The following LRRC4C variants were observed in gnomAD, a reference collection of about 807,000 sequenced individuals.
LRRC4C encodes the protein leucine rich repeat containing 4C.
LRRC4C carries 5 observed loss-of-function variants against 33.6 expected under a neutral mutation model. The ratio of observed to expected loss-of-function variants is 0.15; its 90% CI spans 0.08 to 0.31. The LOEUF is 0.31. Among genes scored for constraint, LRRC4C ranks in the 10% least tolerant of loss-of-function variants. The pLI is 1.00. For missense variants in LRRC4C, 560 were observed against 796.7 expected (o/e 0.70, Z 3.58); for synonymous variants, 329 against 302.0 (o/e 1.09, Z -0.93).
At chr11:40,787,664 T>C (rs1438003529) in intron 2 of LRRC4C, among the ~76,000 whole-genome samples, 1 of 152,346 alleles carries the variant, frequency 6.6e-6, no homozygotes, top group South Asian at 2.1e-4. Flanking sequence ...TCAGCCATCT[T>C]GATTTAGAAG....
intron 2 of LRRC4C, among the ~76,000 whole-genome samples, chr11:40,673,240 A>T (rs1222202280): frequency 2.0e-5 from 3 of 152,158 alleles, no homozygotes; most frequent in African/African-American, 7.2e-5. Flanking sequence ...GAGAAAAAGT[A>T]AAAATATTAG....
rs112196176 is a variant in LRRC4C at position 40,147,418 on chromosome 11, C to CA, written c.-95-6566dup. ...ATAACTATCCAATCTCCCAGAGCCT[C>CA]AAAACTAAGAACCTGGCTTGCTGCT... On this transcript the variant is annotated intron_variant, in intron 5 of 6. Transcript: ENST00000528697. Among the ~76,000 whole-genome samples the CA allele has an allele frequency of 3.7e-3, 561 of 152,272 alleles. 6 individuals carry two copies. Among genetic ancestry groups the CA allele is most frequent in the African/African-American group, 0.012 (517 of 41,558 alleles).
chr11:41,135,710 T>G (rs960221305), intron 1 of LRRC4C, among the ~76,000 whole-genome samples: 1 of 152,164 alleles, frequency 6.6e-6, no homozygotes, highest in African/African-American at 2.4e-5. Flanking sequence ...TCAATAAAAG[T>G]GACAACACTT....
intron 3 of LRRC4C, among the ~76,000 whole-genome samples, chr11:40,323,905 A>C (rs1312657273): frequency 6.6e-6 from 1 of 152,246 alleles, no homozygotes; most frequent in East Asian, 1.9e-4. Context: ...AAGGACAACT[A>C]TCTGAAGAAA....
chr11:41,350,118 GGT>G (rs1320068312), intron 1 of LRRC4C, among the ~76,000 whole-genome samples: 1 of 152,088 alleles, frequency 6.6e-6, no homozygotes, highest in Non-Finnish European at 1.5e-5. Flanking sequence ...ATGACATCTT[GGT>G]ATTATTATGA....
At chr11:41,226,776 A>ACACACACACACACC (rs1224365308) in intron 1 of LRRC4C, among the ~76,000 whole-genome samples, 4 of 149,424 alleles carry the variant, frequency 2.7e-5, no homozygotes, top group East Asian at 2.0e-4. Flanking sequence ...ACACACACAC[A>ACACACACACACACC]CCCTTCTCTC....
chr11:40,370,913 A>G (rs574517957), intron 3 of LRRC4C, among the ~76,000 whole-genome samples: 1 of 152,294 alleles, frequency 6.6e-6, no homozygotes, highest in East Asian at 1.9e-4. Flanking sequence ...CACCTCTTTA[A>G]ATGGATCTTT....
At chr11:40,412,967 T>C (rs1378022174) in intron 3 of LRRC4C, among the ~76,000 whole-genome samples, 1 of 152,144 alleles carries the variant, frequency 6.6e-6, no homozygotes, top group Non-Finnish European at 1.5e-5. Context: ...AAACATGGTA[T>C]TCAAGGATCT....
At position 40,584,153 on chromosome 11, in the gene LRRC4C, G is replaced by C. The variant is rs535598950; in HGVS notation, c.-270+63989C>G. ...TATTGCAATTTTGGACTTTCCTTAA[G>C]TATACACACACACACGCACACTTCA... On this transcript the variant is annotated intron_variant, in intron 3 of 6. Transcript: ENST00000528697. Among the ~76,000 whole-genome samples, 295 of 97,116 alleles carry C rather than the reference G, an allele frequency of 3.0e-3. 1 individual carries two copies. The highest frequency in any genetic ancestry group is 5.4e-3 in the Non-Finnish European group (259 of 48,044). The allele number at this position is 97,116 out of a possible 152,430, so 63.7% of individuals were successfully genotyped here.
At chr11:40,540,194 T>C (rs1262239773) in intron 3 of LRRC4C, among the ~76,000 whole-genome samples, 1 of 152,214 alleles carries the variant, frequency 6.6e-6, no homozygotes, top group Non-Finnish European at 1.5e-5. Flanking sequence ...AGGACAAGAA[T>C]TGAAAGTCTT....
chr11:40,632,202 AT>A (rs2136025478), intron 3 of LRRC4C, among the ~76,000 whole-genome samples: 1 of 152,344 alleles, frequency 6.6e-6, no homozygotes, highest in South Asian at 2.1e-4. Flanking sequence ...TGAAGGCTGA[AT>A]TCAAAATTAG....
chr11:40,940,915 G>A (rs551192054), intron 1 of LRRC4C, among the ~76,000 whole-genome samples: 4 of 122,456 alleles, frequency 3.3e-5, no homozygotes, highest in South Asian at 2.7e-4. Context: ...CAGAGAATTC[G>A]TTACAAAATC....
chr11:40,914,629 A>G (rs1159895318), intron 2 of LRRC4C, among the ~76,000 whole-genome samples: 8 of 152,324 alleles, frequency 5.3e-5, no homozygotes, highest in Non-Finnish European at 1.0e-4. Flanking sequence ...TCCCTTTGAC[A>G]ACTGGCACAA....
chr11:40,382,448 T>C (rs2137362825), intron 3 of LRRC4C, among the ~76,000 whole-genome samples: 1 of 151,900 alleles, frequency 6.6e-6, no homozygotes, highest in Admixed American at 6.6e-5. Context: ...AAGTGTATAC[T>C]ACCCTTGAAA....
intron 1 of LRRC4C, among the ~76,000 whole-genome samples, chr11:41,277,802 C>T (rs1440163452): frequency 1.3e-5 from 2 of 151,974 alleles, no homozygotes; most frequent in Non-Finnish European, 2.9e-5. Context: ...CCGTGAGTAA[C>T]TTGAATATTC....
At chr11:41,293,237 T>C (rs1321107157) in intron 1 of LRRC4C, among the ~76,000 whole-genome samples, 2 of 152,150 alleles carry the variant, frequency 1.3e-5, no homozygotes. Context: ...GTTTTATTAT[T>C]TGTATTTGTC....
intron 2 of LRRC4C, among the ~76,000 whole-genome samples, chr11:40,791,026 T>G: frequency 6.6e-6 from 1 of 152,198 alleles, no homozygotes; most frequent in East Asian, 1.9e-4. Flanking sequence ...CAATATGAGC[T>G]GCATTTTGTC....
intron 3 of LRRC4C, among the ~76,000 whole-genome samples, chr11:40,444,331 ATTTT>A (rs1335708756): frequency 5.4e-5 from 8 of 148,542 alleles, no homozygotes; most frequent in Non-Finnish European, 7.5e-5. Flanking sequence ...TTTTTAATTT[ATTTT>A]ATTTATTTTA....
intron 3 of LRRC4C, among the ~76,000 whole-genome samples, chr11:40,435,608 G>A (rs1590727319): frequency 6.6e-6 from 1 of 152,298 alleles, no homozygotes. Context: ...AACTGGAAGG[G>A]ATTAGGGAAT....
Sources: gnomAD v4.1 joint callset for allele counts (sites outside exome capture counted in the v4.1 genomes callset) on GRCh38, gnomAD v4.1.1 for gene constraint, MANE v1.5 for transcripts, NCBI Gene and HGNC (gene_info 2026-07-23, HGNC 2026-07-21) for gene names.